SAMD12: variants seen among roughly 807,000 people sequenced by gnomAD.
SAMD12 encodes sterile alpha motif domain-containing protein 12.
SAMD12 carries 9 observed loss-of-function variants against 15.0 expected under a neutral mutation model. The observed-to-expected ratio is 0.60, with a 90% CI of 0.36 to 1.05. The LOEUF is 1.05. SAMD12 is among the 50% of genes least tolerant of loss of function. The probability of loss-of-function intolerance (pLI) is 0.01; values close to 1 mark genes in which losing one functional copy is unlikely to be tolerated. For synonymous variants in SAMD12, 86 were observed against 90.1 expected, an observed-to-expected ratio of 0.96 and a Z score of 0.25; for missense variants, 230 against 234.2, an observed-to-expected ratio of 0.98 and a Z score of 0.12.
At chr8:118,452,362 A>G (rs1823110529) in intron 2 of SAMD12, among the ~76,000 whole-genome samples, 1 of 152,188 alleles carries the variant, frequency 6.6e-6, no homozygotes, top group Non-Finnish European at 1.5e-5. Context: ...CTCACCACCA[A>G]CATAGTGAGA....
At chr8:118,171,584 G>C in the SAMD12 span, among the ~76,000 whole-genome samples, 1 of 152,164 alleles carries the variant, frequency 6.6e-6, no homozygotes, top group Non-Finnish European at 1.5e-5. Context: ...TTGGTAGCAA[G>C]AGACCATATA....
intron 4 of SAMD12, among the ~76,000 whole-genome samples, chr8:118,245,892 G>A (rs1485330504): frequency 6.6e-6 from 1 of 152,060 alleles, no homozygotes; most frequent in African/African-American, 2.4e-5. Flanking sequence ...CCTAGTCTAA[G>A]ACAAATGGAA....
chr8:118,610,039 T>C (rs1053831856), intron 1 of SAMD12, among the ~76,000 whole-genome samples: 2 of 152,240 alleles, frequency 1.3e-5, no homozygotes, highest in African/African-American at 4.8e-5. Flanking sequence ...TGTCATTCAC[T>C]GTGTTGAGCT....
intron 4 of SAMD12, among the ~76,000 whole-genome samples, chr8:118,268,851 C>T (rs561600468): frequency 6.6e-6 from 1 of 152,276 alleles, no homozygotes; most frequent in South Asian, 2.1e-4. Flanking sequence ...GGTATTTTAT[C>T]AATTTTATCT....
chr8:118,354,181 A>C (rs1283063318), intron 4 of SAMD12, among the ~76,000 whole-genome samples: 2 of 152,222 alleles, frequency 1.3e-5, no homozygotes, highest in Non-Finnish European at 2.9e-5. Flanking sequence ...TGTACATTGC[A>C]AATGATGACT....
intron 1 of SAMD12, among the ~76,000 whole-genome samples, chr8:118,582,944 C>T (rs565603530): frequency 1.3e-5 from 2 of 151,778 alleles, no homozygotes; most frequent in East Asian, 1.9e-4. Context: ...TCCATAGCAC[C>T]GACTTTATCC....
At chr8:118,422,961 T>TC (rs936007111) in intron 3 of SAMD12, among the ~76,000 whole-genome samples, 1 of 152,068 alleles carries the variant, frequency 6.6e-6, no homozygotes, top group African/African-American at 2.4e-5. Context: ...AAAGGGAACA[T>TC]CTTTTTTTCC....
At chr8:118,156,306 C>T in the SAMD12 span, among the ~76,000 whole-genome samples, 1 of 152,160 alleles carries the variant, frequency 6.6e-6, no homozygotes, top group African/African-American at 2.4e-5. Flanking sequence ...AAGATAACAT[C>T]AGATTGTATC....
chr8:118,135,860 T>C, the SAMD12 span, among the ~76,000 whole-genome samples: 13 of 152,056 alleles, frequency 8.5e-5, no homozygotes, highest in Admixed American at 2.6e-4. Context: ...AGAAATATTC[T>C]TTAGCTCTGC....
At chr8:118,527,098 T>C (rs752281153) in intron 2 of SAMD12, among the ~76,000 whole-genome samples, 1 of 152,216 alleles carries the variant, frequency 6.6e-6, no homozygotes, top group Non-Finnish European at 1.5e-5. Context: ...CTCCATTTGA[T>C]ATTTCTGATC....
intron 2 of SAMD12, among the ~76,000 whole-genome samples, chr8:118,564,859 T>C (rs1425665592): frequency 6.6e-6 from 1 of 152,228 alleles, no homozygotes; most frequent in Non-Finnish European, 1.5e-5. Context: ...GACTTGGTGA[T>C]TGAAGCTCTT....
At chr8:118,309,560 AG>A in intron 4 of SAMD12, among the ~76,000 whole-genome samples, 1 of 152,176 alleles carries the variant, frequency 6.6e-6, no homozygotes, top group Admixed American at 6.6e-5. Context: ...GTAGATACCC[AG>A]TAGTGGGATT....
At chr8:118,289,901 A>G (rs1279503948) in intron 4 of SAMD12, among the ~76,000 whole-genome samples, 2 of 152,228 alleles carry the variant, frequency 1.3e-5, no homozygotes, top group African/African-American at 4.8e-5. Flanking sequence ...TAACTAGATC[A>G]GAAAGATCTA....
chr8:118,500,667 G>T (rs1025972394), intron 2 of SAMD12, among the ~76,000 whole-genome samples: 2 of 151,996 alleles, frequency 1.3e-5, no homozygotes, highest in Admixed American at 6.5e-5. Flanking sequence ...TTAGCTGGGC[G>T]TGGTGGCAGG....
intron 4 of SAMD12, among the ~76,000 whole-genome samples, chr8:118,310,777 C>T (rs113871834): frequency 6.3e-4 from 96 of 152,310 alleles, no homozygotes; most frequent in African/African-American, 2.2e-3. Context: ...CCAACAATTT[C>T]CTAAGCATCT....
At chr8:118,319,532 C>T (rs974019597) in intron 4 of SAMD12, among the ~76,000 whole-genome samples, 7 of 152,106 alleles carry the variant, frequency 4.6e-5, no homozygotes, top group African/African-American at 1.7e-4. Flanking sequence ...GAAGTTGTGG[C>T]CCAAGTAATT....
intron 4 of SAMD12, among the ~76,000 whole-genome samples, chr8:118,213,872 T>G (rs189842497): frequency 6.6e-6 from 1 of 152,274 alleles, no homozygotes; most frequent in Admixed American, 6.5e-5. Context: ...TATCATGAGA[T>G]GAAGTCTAGG....
chr8:118,372,198 C>T (rs1478849064), intron 4 of SAMD12, among the ~76,000 whole-genome samples: 1 of 152,078 alleles, frequency 6.6e-6, no homozygotes, highest in Non-Finnish European at 1.5e-5. Flanking sequence ...TTCTCAGGAG[C>T]AAGAAGATTC....
At chr8:118,159,580 C>T in the SAMD12 span, among the ~76,000 whole-genome samples, 1 of 152,132 alleles carries the variant, frequency 6.6e-6, no homozygotes, top group Non-Finnish European at 1.5e-5. Context: ...GCAAAGCAAC[C>T]CTCCAAGGAT....
Sources: gnomAD v4.1 joint callset for allele counts (sites outside exome capture counted in the v4.1 genomes callset) on GRCh38, gnomAD v4.1.1 for gene constraint, MANE v1.5 for transcripts, NCBI Gene and HGNC (gene_info 2026-07-23, HGNC 2026-07-21) for gene names.